Variants in FREM1 observed in about 807,000 individuals in gnomAD.
FREM1 encodes the protein FRAS1 related extracellular matrix 1.
FREM1 carries 220 observed loss-of-function variants against 210.1 expected under a neutral mutation model. The ratio of observed to expected loss-of-function variants is 1.05; its 90% CI spans 0.94 to 1.17. The LOEUF is 1.17. Ranked by LOEUF, FREM1 falls within the 50% of genes most tolerant of loss-of-function variation. The pLI is 0.00. For synonymous variants in FREM1, 1,189 were observed against 980.2 expected, an observed-to-expected ratio of 1.21 and a Z score of -3.98; for missense variants, 3,454 against 2,675.5, an observed-to-expected ratio of 1.29 and a Z score of -6.42.
chr9:14,803,531 A>C (rs1360651518), intron 19 of FREM1, among the ~76,000 whole-genome samples: 3 of 151,862 alleles, frequency 2.0e-5, no homozygotes, highest in Non-Finnish European at 2.9e-5. Context: ...CTAATTTTTA[A>C]AATTTATTTT....
At chr9:14,892,329 TG>T (rs1836964834) in intron 1 of FREM1, among the ~76,000 whole-genome samples, 1 of 151,918 alleles carries the variant, frequency 6.6e-6, no homozygotes. Context: ...TTTGGGTAGG[TG>T]GGGTGCATTT....
chr9:14,892,678 CT>C (rs1483495580), intron 1 of FREM1, among the ~76,000 whole-genome samples: 2 of 152,172 alleles, frequency 1.3e-5, no homozygotes, highest in East Asian at 3.9e-4. Context: ...AAGTTTCCCC[CT>C]AAAGGGGAAA....
chr9:14,774,708 G>C (rs1239514471), intron 25 of FREM1, among the ~76,000 whole-genome samples: 3 of 152,148 alleles, frequency 2.0e-5, no homozygotes, highest in East Asian at 1.9e-4. Context: ...TTGAGAGCCA[G>C]AATATACTTG....
chr9:14,835,834 T>G (rs1355601259), intron 10 of FREM1, among the ~76,000 whole-genome samples: 1 of 152,218 alleles, frequency 6.6e-6, no homozygotes, highest in Non-Finnish European at 1.5e-5. Context: ...AAGTGAAGAC[T>G]GAAGAGAAAA....
At chr9:14,860,810 T>TATATACAC in intron 3 of FREM1, among the ~76,000 whole-genome samples, 1 of 119,106 alleles carries the variant, frequency 8.4e-6, no homozygotes, top group Non-Finnish European at 1.7e-5. Flanking sequence ...CATATATACA[T>TATATACAC]ATATACACAT....
intron 2 of FREM1, among the ~76,000 whole-genome samples, chr9:14,867,472 C>T (rs542136937): frequency 1.3e-5 from 2 of 152,290 alleles, no homozygotes; most frequent in South Asian, 4.1e-4. Flanking sequence ...TAAAATCTTA[C>T]AAGCAACTAG....
chr9:14,792,764 T>C lies in FREM1; in HGVS notation c.3960A>G (p.Gln1320=). ...KIYYVFERLP[Q]NGQLQLKIGR... ...TAACCTTAAGCTGAAGTTGCCCATT[T>C]TGGGGAAGCCTTTCAAATACATAGT... is the stretch of plus-strand genomic sequence containing the variant. The change falls in exon 22 of 37, where the codon CAA becomes CAG. Residue 1320 remains glutamine (Q), a synonymous_variant. Coordinates refer to ENST00000380880, the MANE Select transcript of FREM1 (RefSeq NM_001379081.2). 2 of 1,599,028 alleles carry C rather than the reference T, an allele frequency of 1.3e-6. No homozygotes were observed. The highest frequency in any genetic ancestry group is 1.7e-6 in the Non-Finnish European group (2 of 1,174,790).
Position 14,794,385 on chromosome 9 carries a change from C to T in FREM1, c.3840-1501G>A, listed in dbSNP as rs12378812. On this transcript the variant is annotated intron_variant, in intron 21 of 36. Transcript: ENST00000380880. ...AGCATTTATCTTATCTACTAGCTCC[C>T]GAGGTTAAGGGCTGTCCCCAGAGTG... 3.4e-3 allele frequency among the ~76,000 whole-genome samples: 511 copies of T among 152,254 alleles called. 1 individual carries two copies. The highest frequency in any genetic ancestry group is 5.7e-3 in the Non-Finnish European group (390 of 68,018).
intron 27 of FREM1, among the ~76,000 whole-genome samples, chr9:14,761,905 A>G (rs1007315984): frequency 7.2e-5 from 11 of 152,226 alleles, no homozygotes; most frequent in Admixed American, 5.2e-4. Flanking sequence ...CTGGCATCCC[A>G]TGATAGTTGT....
intron 27 of FREM1, among the ~76,000 whole-genome samples, chr9:14,762,002 GCA>G (rs750567844): frequency 8.5e-5 from 13 of 152,170 alleles, no homozygotes; most frequent in Non-Finnish European, 1.8e-4. Flanking sequence ...ACAGGAAAAA[GCA>G]CAGTGTACAT....
chr9:14,866,089 T>A (rs1488414091), intron 2 of FREM1, among the ~76,000 whole-genome samples: 3 of 152,200 alleles, frequency 2.0e-5, no homozygotes, highest in Non-Finnish European at 4.4e-5. Context: ...ATTCATGACT[T>A]GATTCTACTT....
chr9:14,857,740 G>T lies in FREM1; in HGVS notation c.641C>A (p.Ala214Glu). ...HSFFPESQLR[A>E]KLKCPGGSCT... ...GCTCCCACCTGGACACTTCAGTTTT[G>T]CTCTCAGTTCTAGAATGTACAGCAC... is the stretch of plus-strand genomic sequence containing the variant. Residue 214 changes from alanine to glutamate, a missense_variant, in exon 5 of 37, where the codon GCA becomes GAA. Physicochemically the swap from Ala to Glu is moderately radical, Grantham distance 107. Coordinates refer to ENST00000380880, the MANE Select transcript of FREM1 (RefSeq NM_001379081.2). 1 of 1,601,092 alleles carries T rather than the reference G, an allele frequency of 6.2e-7. No individual in the cohort carries two copies. The highest frequency in any genetic ancestry group is 8.5e-7 in the Non-Finnish European group (1 of 1,173,832).
chr9:14,774,286 T>C (rs1848141926), intron 25 of FREM1: 1 of 416,580 alleles, frequency 2.4e-6, no homozygotes, highest in Non-Finnish European at 4.7e-6. Context: ...AGTAAAGAGA[T>C]CACCCTCCAT....
At chr9:14,812,350 G>C (rs976082174) in intron 16 of FREM1, among the ~76,000 whole-genome samples, 4 of 152,128 alleles carry the variant, frequency 2.6e-5, no homozygotes, top group African/African-American at 9.7e-5. Flanking sequence ...TCATATACTG[G>C]GTAAGACATT....
intron 1 of FREM1, among the ~76,000 whole-genome samples, chr9:14,879,697 T>C (rs1193154877): frequency 6.6e-6 from 1 of 152,178 alleles, no homozygotes; most frequent in East Asian, 1.9e-4. Context: ...CTACAAGGTA[T>C]TGTGGAGTCA....
intron 36 of FREM1, among the ~76,000 whole-genome samples, chr9:14,738,795 A>T (rs7030734): frequency 9.6e-4 from 146 of 151,654 alleles, no homozygotes; most frequent in Middle Eastern, 6.8e-3. Context: ...GGATCACCTG[A>T]GGTCAGGAGT....
intron 36 of FREM1, 40 bp from the exon 37 acceptor site, chr9:14,737,635 C>A (rs368061543): frequency 7.2e-7 from 1 of 1,397,684 alleles, no homozygotes; most frequent in Non-Finnish European, 9.5e-7. Context: ...ACTTTTATTG[C>A]GTTTATACTT....
rs1342278703 is a variant in FREM1 at position 14,801,993 on chromosome 9, T to G, written c.3472-119A>C. On this transcript the variant is annotated intron_variant, in intron 19 of 36. Coordinates refer to ENST00000380880, the MANE Select transcript of FREM1 (RefSeq NM_001379081.2). ...TACTTCAAATTTTCTATGAGATTTA[T>G]ATAGGATGAGTCCTAAAAAGAAATT... 3 of 688,994 alleles carry G rather than the reference T, an allele frequency of 4.4e-6. No homozygotes were observed. The Admixed American group carries it at 8.0e-5, about 18-fold the overall frequency. The allele number at this position is 688,994 out of a possible 1,614,324, so 42.7% of individuals were successfully genotyped here. A position where few individuals can be genotyped will look rare whatever the true frequency, so the allele number is the denominator to read the frequency against.
intron 27 of FREM1, among the ~76,000 whole-genome samples, chr9:14,764,411 T>A (rs921211472): frequency 1.3e-5 from 2 of 152,226 alleles, no homozygotes; most frequent in East Asian, 3.8e-4. Flanking sequence ...GGCTAGATGA[T>A]CCTCACATGT....
Sources: allele counts gnomAD v4.1 joint callset (sites outside exome capture counted in the v4.1 genomes callset), GRCh38; gene constraint gnomAD v4.1.1; transcripts MANE v1.5; gene names NCBI Gene and HGNC (gene_info 2026-07-23, HGNC 2026-07-21).